LARGE1: variants seen among roughly 807,000 people sequenced by gnomAD.
LARGE1 encodes LARGE xylosyl- and glucuronyltransferase 1, also known as xylosyl- and glucuronyltransferase LARGE1.
A neutral mutation model predicts 87.6 loss-of-function variants in LARGE1; 43 were observed. That is an observed-to-expected ratio of 0.49 (90% CI 0.38 to 0.63). LARGE1 has a LOEUF of 0.63. LARGE1 is among the 30% of genes least tolerant of loss of function. The probability of loss-of-function intolerance (pLI) is 0.00; values close to 1 mark genes in which losing one functional copy is unlikely to be tolerated. For synonymous variants in LARGE1, 434 were observed against 394.6 expected, an observed-to-expected ratio of 1.10 and a Z score of -1.18; for missense variants, 802 against 1,000.2, an observed-to-expected ratio of 0.80 and a Z score of 2.67.
At chr22:33,196,674 C>G (rs1924098782) in intron 11 of LARGE1, among the ~76,000 whole-genome samples, 1 of 149,462 alleles carries the variant, frequency 6.7e-6, no homozygotes, top group Admixed American at 6.7e-5. Context: ...AGAGTAAATA[C>G]TAATAAGAAT....
chr22:33,814,129 T>C (rs1353064622), intron 1 of LARGE1, among the ~76,000 whole-genome samples: 1 of 152,198 alleles, frequency 6.6e-6, no homozygotes, highest in Non-Finnish European at 1.5e-5. Flanking sequence ...GTATTCACTC[T>C]TGTTCGACCA....
chr22:33,591,701 T>C (rs541229300), intron 5 of LARGE1, among the ~76,000 whole-genome samples: 4 of 151,898 alleles, frequency 2.6e-5, no homozygotes, highest in South Asian at 4.2e-4. Context: ...TGTGTGCTTT[T>C]TATGTCTTAT....
Position 33,210,387 on chromosome 22 carries a change from G to A in LARGE1, c.1731-43555C>T, listed in dbSNP as rs547547701. Among the ~76,000 whole-genome samples the A allele has an allele frequency of 3.9e-5, 6 of 152,350 alleles. No individual in the cohort carries two copies. The South Asian group carries it at 1.2e-3, about 32-fold the overall frequency. Reference sequence around the variant, plus strand: ...TCCCATTCTCTGAAAAATGGCAAGAGAACGACACCGGCGGAACCTGGTCTG... The same window carrying A: ...TCCCATTCTCTGAAAAATGGCAAGAAAACGACACCGGCGGAACCTGGTCTG... On this transcript the variant is annotated intron_variant, in intron 11 of 11. Transcript: ENST00000608642.
chr22:33,826,344 CTTT>C (rs35127990), intron 1 of LARGE1, among the ~76,000 whole-genome samples: 22 of 137,862 alleles, frequency 1.6e-4, no homozygotes, highest in African/African-American at 5.8e-4. Flanking sequence ...CTTTGCATAC[CTTT>C]TTTTTTTTTT....
At position 33,712,969 on chromosome 22, in the gene LARGE1, C is replaced by G. The variant is rs542972374; in HGVS notation, c.106+48402G>C. On this transcript the variant is annotated intron_variant, in intron 2 of 14. Transcript: ENST00000397394. ...TTTTAAAGGTACCTAAATTGCCTAC[C>G]CTGTGGCTAATCTGTTGTGTGTTTG... Among the ~76,000 whole-genome samples, 3 of 152,182 alleles carry G rather than the reference C, an allele frequency of 2.0e-5. No homozygotes were observed. In the South Asian group the frequency reaches 6.2e-4, roughly 32 times the overall value.
At chr22:33,399,601 T>C (rs540855236) in intron 7 of LARGE1, among the ~76,000 whole-genome samples, 5 of 152,226 alleles carry the variant, frequency 3.3e-5, no homozygotes, top group African/African-American at 7.2e-5. Flanking sequence ...CAGGCTGGAG[T>C]GCAATGGTGC....
chr22:33,487,955 C>T (rs1305557402), intron 6 of LARGE1, among the ~76,000 whole-genome samples: 1 of 152,012 alleles, frequency 6.6e-6, no homozygotes, highest in Non-Finnish European at 1.5e-5. Context: ...AGCAGCTTAT[C>T]AACCACAATC....
chr22:33,850,729 C>T (rs2063560510), intron 1 of LARGE1, among the ~76,000 whole-genome samples: 2 of 152,092 alleles, frequency 1.3e-5, no homozygotes, highest in Non-Finnish European at 2.9e-5. Context: ...CCAAGTCTGA[C>T]TCAGAGTGGA....
At chr22:33,446,512 G>C (rs976318351) in intron 6 of LARGE1, among the ~76,000 whole-genome samples, 2 of 152,216 alleles carry the variant, frequency 1.3e-5, no homozygotes, top group Admixed American at 1.3e-4. Context: ...AGGGTCAGAA[G>C]TGAATTGAAT....
intron 6 of LARGE1, among the ~76,000 whole-genome samples, chr22:33,507,266 A>T (rs1482170501): frequency 6.6e-6 from 1 of 152,220 alleles, no homozygotes; most frequent in Non-Finnish European, 1.5e-5. Flanking sequence ...AAATGAAACA[A>T]GGTTGTCTGA....
chr22:33,899,228 A>G (rs1405044213), intron 1 of LARGE1, among the ~76,000 whole-genome samples: 1 of 152,160 alleles, frequency 6.6e-6, no homozygotes, highest in Admixed American at 6.5e-5. Flanking sequence ...CTGACATCAA[A>G]CCCGCCTGAT....
chr22:33,508,990 T>C (rs1188262255), intron 6 of LARGE1, among the ~76,000 whole-genome samples: 1 of 152,316 alleles, frequency 6.6e-6, no homozygotes, highest in African/African-American at 2.4e-5. Flanking sequence ...TTGGCTTCAA[T>C]TTACCGCTCT....
chr22:33,857,419 A>G (rs538002937), intron 1 of LARGE1, among the ~76,000 whole-genome samples: 7 of 152,358 alleles, frequency 4.6e-5, no homozygotes, highest in African/African-American at 1.4e-4. Context: ...ACGGCAAGAA[A>G]CGATGCAATC....
At chr22:33,693,579 C>T (rs1305728594) in intron 2 of LARGE1, among the ~76,000 whole-genome samples, 1 of 152,050 alleles carries the variant, frequency 6.6e-6, no homozygotes, top group African/African-American at 2.4e-5. Flanking sequence ...TGATCCCAGC[C>T]TTCGGGAGGC....
intron 5 of LARGE1, among the ~76,000 whole-genome samples, chr22:33,580,968 C>T (rs149257382): frequency 2.8e-4 from 42 of 152,126 alleles, no homozygotes; most frequent in African/African-American, 8.0e-4. Context: ...TGTAAGACGT[C>T]CATCTTTCAA....
At chr22:33,381,250 G>T (rs1444416376) in intron 9 of LARGE1, among the ~76,000 whole-genome samples, 1 of 152,198 alleles carries the variant, frequency 6.6e-6, no homozygotes, top group East Asian at 1.9e-4. Flanking sequence ...ATAAATGGTT[G>T]CTGATTTAGG....
rs145770381 is a variant in LARGE1, at chr22:33,260,272, G to A, written c.1730+43957C>T. On this transcript the variant is annotated intron_variant, in intron 11 of 11. Transcript: ENST00000608642. ...TGCCCCCTCCTCTCCTCTGGGGAAC[G>A]GTGCGTAACAAACTGCCTTTTCAAC... Among the ~76,000 whole-genome samples, 61 of 152,202 alleles carry A rather than the reference G, an allele frequency of 4.0e-4. No homozygotes were observed. The East Asian group carries it at 8.9e-3, about 22-fold the overall frequency.
At chr22:33,827,991 T>G (rs1049696751) in intron 1 of LARGE1, among the ~76,000 whole-genome samples, 1 of 152,132 alleles carries the variant, frequency 6.6e-6, no homozygotes, top group African/African-American at 2.4e-5. Flanking sequence ...GCAGAAGAAC[T>G]AGAATAAAAG....
intron 6 of LARGE1, among the ~76,000 whole-genome samples, chr22:33,511,991 AGTT>A (rs1173057918): frequency 7.2e-5 from 11 of 152,186 alleles, no homozygotes; most frequent in African/African-American, 2.7e-4. Context: ...TTGACCATAC[AGTT>A]GTTTTTTGTA....
Sources: gnomAD v4.1 joint callset for allele counts (sites outside exome capture counted in the v4.1 genomes callset) on GRCh38, gnomAD v4.1.1 for gene constraint, MANE v1.5 for transcripts, NCBI Gene and HGNC (gene_info 2026-07-23, HGNC 2026-07-21) for gene names.